The following INSL6 variants were observed in gnomAD, a reference collection of about 807,000 sequenced individuals.
INSL6 encodes insulin-like peptide INSL6.
In INSL6, 16 loss-of-function variants were observed where a neutral mutation model predicts 9.4. That is an observed-to-expected ratio of 1.70 (90% confidence interval 1.15 to 2.59). INSL6 has a LOEUF of 2.59. INSL6 is among the 30% of genes most tolerant of loss of function. The pLI is 0.00. For synonymous variants in INSL6, 154 were observed against 96.9 expected, an observed-to-expected ratio of 1.59 and a Z score of -3.46; for missense variants, 391 against 257.3, an observed-to-expected ratio of 1.52 and a Z score of -3.56.
chr9:5,136,516 A>T (rs774672915), intron 2 of INSL6, among the ~76,000 whole-genome samples: 1 of 152,218 alleles, frequency 6.6e-6, no homozygotes, highest in Non-Finnish European at 1.5e-5. Flanking sequence ...ACAATGAGAA[A>T]AACAACATGA....
the INSL6 span, among the ~76,000 whole-genome samples, chr9:4,996,539 T>G: frequency 6.6e-6 from 1 of 152,100 alleles, no homozygotes; most frequent in African/African-American, 2.4e-5. Flanking sequence ...TTTATTTTTT[T>G]AAATACATGA....
At chr9:5,089,792 G>A in the INSL6 span, 2 of 1,598,852 alleles carry the variant, frequency 1.3e-6, no homozygotes, top group African/African-American at 1.4e-5. Flanking sequence ...GACTTTGAAA[G>A]GGAAATTGAA....
At chr9:5,156,883 C>A (rs1295034595) in intron 2 of INSL6, among the ~76,000 whole-genome samples, 2 of 151,820 alleles carry the variant, frequency 1.3e-5, no homozygotes, top group Non-Finnish European at 2.9e-5. Flanking sequence ...TTTTAAAATA[C>A]CATTTACAAT....
chr9:5,029,020 C>T, the INSL6 span, among the ~76,000 whole-genome samples: 4 of 152,200 alleles, frequency 2.6e-5, no homozygotes, highest in South Asian at 6.2e-4. Flanking sequence ...ACTTGATTGA[C>T]TGGTGCAGGA....
chr9:5,004,461 A>G, the INSL6 span, among the ~76,000 whole-genome samples: 5 of 152,098 alleles, frequency 3.3e-5, no homozygotes, highest in Non-Finnish European at 5.9e-5. Context: ...GTAAATGACA[A>G]GATTTTCTTC....
the INSL6 span, among the ~76,000 whole-genome samples, chr9:5,050,180 T>A: frequency 6.6e-6 from 1 of 152,256 alleles, no homozygotes; most frequent in South Asian, 2.1e-4. Context: ...GTTGATGTTA[T>A]ATGTACTCTG....
the INSL6 span, chr9:5,072,387 T>C: frequency 2.7e-6 from 2 of 747,668 alleles, no homozygotes; most frequent in Non-Finnish European, 4.0e-6. Flanking sequence ...AGGAAAATAC[T>C]TGCTTATGGA....
chr9:5,078,551 T>G, the INSL6 span: 1 of 782,584 alleles, frequency 1.3e-6, no homozygotes, highest in South Asian at 2.1e-5. Context: ...TGTATGTTCC[T>G]GATTAATAAT....
intron 3 of INSL6, among the ~76,000 whole-genome samples, chr9:5,131,291 A>G (rs888684827): frequency 2.0e-5 from 3 of 152,172 alleles, no homozygotes; most frequent in Non-Finnish European, 4.4e-5. Context: ...TAAGTATATT[A>G]GAACAAAATT....
chr9:5,000,338 A>C, the INSL6 span, among the ~76,000 whole-genome samples: 3 of 152,168 alleles, frequency 2.0e-5, no homozygotes, highest in African/African-American at 7.2e-5. Context: ...AATAGTCGGA[A>C]ATGTCCAATT....
chr9:5,019,588 G>T, the INSL6 span, among the ~76,000 whole-genome samples: 1 of 152,120 alleles, frequency 6.6e-6, no homozygotes, highest in Admixed American at 6.5e-5. Context: ...CTTTGGAGAT[G>T]TCATATTTCC....
chr9:5,053,045 GT>G, the INSL6 span, among the ~76,000 whole-genome samples: 1 of 152,030 alleles, frequency 6.6e-6, no homozygotes, highest in African/African-American at 2.4e-5. Flanking sequence ...TATGGTAACT[GT>G]TTAACTTTTT....
At chr9:5,007,590 C>T in the INSL6 span, among the ~76,000 whole-genome samples, 231 of 150,260 alleles carry the variant, frequency 1.5e-3, 1 homozygote, top group African/African-American at 5.5e-3. Flanking sequence ...AAAATATGTC[C>T]TATTTTGCAA....
At chr9:5,076,808 A>G in the INSL6 span, among the ~76,000 whole-genome samples, 1 of 152,148 alleles carries the variant, frequency 6.6e-6, no homozygotes, top group African/African-American at 2.4e-5. Flanking sequence ...GAAAATTGAT[A>G]ATCTTCTCAA....
At chr9:5,057,043 G>C in the INSL6 span, among the ~76,000 whole-genome samples, 1 of 152,138 alleles carries the variant, frequency 6.6e-6, no homozygotes, top group Non-Finnish European at 1.5e-5. Context: ...AAACTGGGAA[G>C]AGTTGACATT....
the INSL6 span, chr9:5,077,558 T>G: frequency 1.3e-6 from 2 of 1,487,182 alleles, no homozygotes; most frequent in Non-Finnish European, 1.8e-6. Flanking sequence ...GCTAAACAGT[T>G]GGCATGGGCC....
At chr9:4,995,046 T>C in the INSL6 span, among the ~76,000 whole-genome samples, 42 of 152,202 alleles carry the variant, frequency 2.8e-4, no homozygotes, top group Non-Finnish European at 4.9e-4. Flanking sequence ...CAAATTGACA[T>C]AGAAATACCA....
At chr9:5,044,167 C>T in the INSL6 span, among the ~76,000 whole-genome samples, 11 of 152,182 alleles carry the variant, frequency 7.2e-5, no homozygotes, top group African/African-American at 2.7e-4. Context: ...ATTGCTTCTA[C>T]ATTTTGTGCA....
chr9:5,027,759 T>A, the INSL6 span, among the ~76,000 whole-genome samples: 1 of 152,244 alleles, frequency 6.6e-6, no homozygotes, highest in African/African-American at 2.4e-5. Context: ...TCACCAGGAA[T>A]AGATTCCATC....
Sources: allele counts gnomAD v4.1 joint callset (sites outside exome capture counted in the v4.1 genomes callset), GRCh38; gene constraint gnomAD v4.1.1; transcripts MANE v1.5; gene names NCBI Gene and HGNC (gene_info 2026-07-23, HGNC 2026-07-21).